The following PTPRN2 variants were observed in gnomAD, a reference collection of about 807,000 sequenced individuals.
The protein encoded by PTPRN2 is protein tyrosine phosphatase receptor type N2, also known as receptor-type tyrosine-protein phosphatase N2.
Under a neutral mutation model 118.8 loss-of-function variants are expected in PTPRN2, and 74 were observed. The observed-to-expected ratio is 0.62, with a 90% CI of 0.52 to 0.76. The LOEUF is 0.76. Among genes scored for constraint, PTPRN2 ranks in the 30% least tolerant of loss-of-function variants. The pLI, the probability that PTPRN2 is intolerant of heterozygous loss-of-function variation, is 0.00. For synonymous variants in PTPRN2, 641 were observed against 608.0 expected (o/e 1.05, Z -0.80); for missense variants, 1,481 against 1,394.4 (o/e 1.06, Z -0.99).
At chr7:157,766,511 C>A (rs1469218941) in intron 12 of PTPRN2, among the ~76,000 whole-genome samples, 1 of 152,240 alleles carries the variant, frequency 6.6e-6, no homozygotes, top group Non-Finnish European at 1.5e-5. Context: ...CACCCATAAA[C>A]AAACACTTTC....
rs137890841 is a variant in PTPRN2 at position 157,566,539 on chromosome 7, C to T, written c.2902+2363G>A. Among the ~76,000 whole-genome samples, 170 of 152,306 alleles carry T rather than the reference C, an allele frequency of 1.1e-3. 1 individual carries two copies. In the East Asian group the frequency reaches 0.024, roughly 21 times the overall value. ...GGACCCGGGTCAGGGAATTTCACAC[C>T]GCACACACCCCAGGGAAAGAGGAGC... is the stretch of plus-strand genomic sequence containing the variant. On this transcript the variant is annotated intron_variant, in intron 21 of 22. Transcript: ENST00000389418.
At chr7:158,036,803 A>G (rs1428380877) in intron 11 of PTPRN2, among the ~76,000 whole-genome samples, 2 of 152,174 alleles carry the variant, frequency 1.3e-5, no homozygotes, top group Admixed American at 6.5e-5. Context: ...TCATCCTTTA[A>G]CAAGGTAAAA....
chr7:158,114,319 C>G (rs947204334), intron 9 of PTPRN2, among the ~76,000 whole-genome samples: 5 of 152,180 alleles, frequency 3.3e-5, no homozygotes, highest in African/African-American at 1.2e-4. Flanking sequence ...GCCTGGGAAT[C>G]TGTGTTTCTC....
At chr7:158,061,843 A>T (rs773014026) in intron 11 of PTPRN2, among the ~76,000 whole-genome samples, 12 of 152,268 alleles carry the variant, frequency 7.9e-5, no homozygotes, top group Non-Finnish European at 1.3e-4. Flanking sequence ...GGGCCCTTCG[A>T]TCCATGTGGA....
chr7:157,826,748 C>A (rs1807200150), intron 12 of PTPRN2, among the ~76,000 whole-genome samples: 1 of 152,144 alleles, frequency 6.6e-6, no homozygotes, highest in East Asian at 1.9e-4. Flanking sequence ...AAGTGGGAGT[C>A]CTGATTGCAG....
Position 158,056,181 on chromosome 7 carries a change from T to C in PTPRN2, c.1723+25117A>G, listed in dbSNP as rs755769512. ...TGGCCTTGGTAACTCCCGCAGGTCC[T>C]GCTAATCTCGCCTGAAAGGTCACCT... On this transcript the variant is annotated intron_variant, in intron 11 of 22. Coordinates refer to ENST00000389418, the MANE Select transcript of PTPRN2 (RefSeq NM_002847.5). 7.9e-5 allele frequency among the ~76,000 whole-genome samples: 12 copies of C among 152,252 alleles called. 1 individual carries two copies. The highest frequency in any genetic ancestry group is 1.6e-4 in the Non-Finnish European group (11 of 68,042).
intron 3 of PTPRN2, among the ~76,000 whole-genome samples, chr7:158,209,147 A>G (rs552167334): frequency 6.6e-6 from 1 of 152,260 alleles, no homozygotes; most frequent in African/African-American, 2.4e-5. Flanking sequence ...TAAGAAAGAG[A>G]AGACCACAAA....
At chr7:158,262,937 CACACACATTCACACACAT>C (rs1249961513) in intron 3 of PTPRN2, among the ~76,000 whole-genome samples, 12 of 141,496 alleles carry the variant, frequency 8.5e-5, no homozygotes, top group Admixed American at 3.4e-4. Context: ...ACACACTGCA[CACACACATTCACACACAT>C]ACACACATTC....
chr7:158,294,145 A>G (rs538496471), intron 3 of PTPRN2, among the ~76,000 whole-genome samples: 23 of 152,366 alleles, frequency 1.5e-4, no homozygotes, highest in African/African-American at 5.5e-4. Context: ...CATGAGGGCC[A>G]CAAGGTCAGT....
chr7:158,274,081 CACA>C (rs2150976776), intron 3 of PTPRN2, among the ~76,000 whole-genome samples: 1 of 136,246 alleles, frequency 7.3e-6, no homozygotes, highest in South Asian at 2.3e-4. Context: ...GAGCCGCAGA[CACA>C]GGGGGAGCTG....
intron 12 of PTPRN2, among the ~76,000 whole-genome samples, chr7:157,749,134 C>T (rs1477465383): frequency 8.2e-4 from 11 of 13,444 alleles, no homozygotes; most frequent in Non-Finnish European, 1.2e-3. Flanking sequence ...CTGAGGCCTG[C>T]GTCCCTGAGC....
chr7:157,840,923 C>T (rs538834859), intron 12 of PTPRN2, among the ~76,000 whole-genome samples: 257 of 152,316 alleles, frequency 1.7e-3, no homozygotes, highest in African/African-American at 5.7e-3. Flanking sequence ...GAAGCACCGG[C>T]GGGGGCTGGA....
chr7:157,610,646 T>C lies in PTPRN2; in HGVS notation c.2345-6571A>G, dbSNP rs1802273999. On this transcript the variant is annotated intron_variant, in intron 15 of 22. Coordinates refer to ENST00000389418, the MANE Select transcript of PTPRN2 (RefSeq NM_002847.5). This position sits in a 1 kb window ranked among gnomAD's most constrained non-coding sequence, Gnocchi z 5.1. ...ACACACAGAAAGGCCTTTGAACTTG[T>C]CATAGTTGAGGCAAAGGAATAAATG... Among the ~76,000 whole-genome samples the C allele has an allele frequency of 6.6e-6, 1 of 152,172 alleles. No individual in the cohort carries two copies. The highest frequency in any genetic ancestry group is 1.5e-5 in the Non-Finnish European group (1 of 68,038).
In PTPRN2 at chr7:158,366,034, C is replaced by G. The variant is rs1586474399; in HGVS notation, c.164-49102G>C. Among the ~76,000 whole-genome samples, 4 of 148,734 alleles carry G rather than the reference C, an allele frequency of 2.7e-5. No individual in the cohort carries two copies. In the South Asian group the frequency reaches 8.6e-4, roughly 32 times the overall value. On this transcript the variant is annotated intron_variant, in intron 2 of 22. Transcript: ENST00000389418. ...ATGCACGTGTGCAAATACACACACA[C>G]ACAGCATCCCTAGAAGCTGCAGCCC... is the stretch of plus-strand genomic sequence containing the variant.
chr7:158,363,351 C>T (rs1372026009), intron 2 of PTPRN2, among the ~76,000 whole-genome samples: 3 of 152,116 alleles, frequency 2.0e-5, no homozygotes, highest in African/African-American at 7.2e-5. Context: ...CTTGGGGAGG[C>T]CGCCTCCTCC....
In PTPRN2 at chr7:157,809,826, C is replaced by T. The variant is rs531000814; in HGVS notation, c.1788+88847G>A. Among the ~76,000 whole-genome samples, 4 of 152,322 alleles carry T rather than the reference C, an allele frequency of 2.6e-5. No homozygotes were observed. In the South Asian group the frequency reaches 8.3e-4, roughly 32 times the overall value. On this transcript the variant is annotated intron_variant, in intron 12 of 22. Transcript: ENST00000389418. The stretch of plus-strand genomic sequence containing the variant: ...GTTTGAAGCCACCCAGTTTGTGGCA[C>T]TTTGACCCCAGGATCCTCACAGGAA...
intron 9 of PTPRN2, among the ~76,000 whole-genome samples, chr7:158,127,989 A>G (rs759429746): frequency 5.3e-5 from 8 of 152,216 alleles, no homozygotes; most frequent in African/African-American, 1.4e-4. Context: ...AGAGAAAATC[A>G]TGCCTGGAAA....
At chr7:158,522,177 A>G (rs36144373) in intron 1 of PTPRN2, among the ~76,000 whole-genome samples, 644 of 14,070 alleles carry the variant, frequency 0.046, 23 homozygotes, top group Admixed American at 0.077. Flanking sequence ...CTGTCCGGGT[A>G]CTGGCTCGGG....
chr7:158,347,243 TAA>T (rs1193070096), intron 2 of PTPRN2, among the ~76,000 whole-genome samples: 2 of 152,238 alleles, frequency 1.3e-5, no homozygotes, highest in African/African-American at 2.4e-5. Flanking sequence ...GTCTTAAATT[TAA>T]GTCTTTAATC....
Sources: allele counts gnomAD v4.1 joint callset (sites outside exome capture counted in the v4.1 genomes callset), GRCh38; gene constraint gnomAD v4.1.1; non-coding constraint Gnocchi (gnomAD v3.1); transcripts MANE v1.5; gene names NCBI Gene and HGNC (gene_info 2026-07-23, HGNC 2026-07-21).